The following TEAD4 variants were observed in gnomAD, a reference collection of about 807,000 sequenced individuals.
TEAD4 encodes TEA domain transcription factor 4, also known as transcriptional enhancer factor TEF-3.
A neutral mutation model predicts 52.4 loss-of-function variants in TEAD4; 36 were observed. The ratio of observed to expected loss-of-function variants is 0.69; its 90% CI spans 0.53 to 0.91. TEAD4 has a LOEUF of 0.91. Ranked by LOEUF, TEAD4 falls within the 40% of genes least tolerant of loss-of-function variation. TEAD4 has a pLI of 0.00. For missense variants in TEAD4, 508 were observed against 583.9 expected, an observed-to-expected ratio of 0.87 and a Z score of 1.34; for synonymous variants, 220 against 231.0, an observed-to-expected ratio of 0.95 and a Z score of 0.43.
At chr12:3,023,624 T>TAA (rs768450059) in intron 10 of TEAD4, among the ~76,000 whole-genome samples, 7 of 132,116 alleles carry the variant, frequency 5.3e-5, no homozygotes, top group Admixed American at 7.6e-5. Flanking sequence ...TATCTCTACT[T>TAA]AAAAAAAAAA....
At chr12:3,014,623 C>G (rs1423837104) in intron 5 of TEAD4, among the ~76,000 whole-genome samples, 1 of 152,228 alleles carries the variant, frequency 6.6e-6, no homozygotes, top group Non-Finnish European at 1.5e-5. Flanking sequence ...GGCAGAGTCA[C>G]TGGGACCTCC....
At chr12:2,978,110 C>T (rs938043640) in intron 2 of TEAD4, among the ~76,000 whole-genome samples, 1 of 152,180 alleles carries the variant, frequency 6.6e-6, no homozygotes, top group East Asian at 1.9e-4. Flanking sequence ...AGGCCCTTTC[C>T]TTTGCTCCTG....
chr12:3,040,360 C>T lies in TEAD4; in HGVS notation c.1192-5C>T, dbSNP rs745805155. The T allele has an allele frequency of 6.2e-6, 10 of 1,614,012 alleles. No homozygotes were observed. The Admixed American group carries it at 6.7e-5, about 11-fold the overall frequency. ...TATTAACCCTTGTCTTTTTCTCTCCCACAGGTGGTCACCAACAGAGACACA... is the reference window on the plus strand; with the variant it reads ...TATTAACCCTTGTCTTTTTCTCTCCTACAGGTGGTCACCAACAGAGACACA... On this transcript the variant is annotated splice_polypyrimidine_tract_variant and splice_region_variant and intron_variant, in intron 12 of 12. Transcript: ENST00000359864.
chr12:3,037,917 C>G (rs2098280377), intron 10 of TEAD4, 51 bp from the exon 11 acceptor site: 1 of 1,580,946 alleles, frequency 6.3e-7, no homozygotes, highest in Admixed American at 1.7e-5. Context: ...ATGCTCCCGT[C>G]TGACATGGCA....
At chr12:3,030,490 T>C (rs887646732) in intron 10 of TEAD4, among the ~76,000 whole-genome samples, 1 of 152,158 alleles carries the variant, frequency 6.6e-6, no homozygotes, top group Non-Finnish European at 1.5e-5. Flanking sequence ...CCTGAAGATA[T>C]TGGTAGGTTG....
chr12:2,982,449 G>A (rs1006696006), intron 2 of TEAD4, among the ~76,000 whole-genome samples: 5 of 152,174 alleles, frequency 3.3e-5, no homozygotes, highest in Non-Finnish European at 7.4e-5. Context: ...CCAGCTCCAC[G>A]ATGCCATCTG....
chr12:3,033,288 C>T (rs899354456), intron 10 of TEAD4, among the ~76,000 whole-genome samples: 1 of 152,214 alleles, frequency 6.6e-6, no homozygotes, highest in Non-Finnish European at 1.5e-5. Context: ...TGGCATCTGC[C>T]AGCCTGAAGG....
In TEAD4 at chr12:3,032,428, G is replaced by C. The variant is rs1230607275; in HGVS notation, c.898-5540G>C. ...TGGGACAGGAGCCGCTGGACAGGGG[G>C]CTGTGGTGTGCCCCCCAGCAAGGCC... On this transcript the variant is annotated intron_variant, in intron 10 of 12. Transcript: ENST00000359864. Among the ~76,000 whole-genome samples, 4 of 152,212 alleles carry C rather than the reference G, an allele frequency of 2.6e-5. No individual in the cohort carries two copies. In the East Asian group the frequency reaches 7.7e-4, roughly 29 times the overall value.
chr12:3,019,285 GCA>G (rs1322059201), intron 8 of TEAD4, 115 bp downstream of exon 8: 2 of 1,189,526 alleles, frequency 1.7e-6, no homozygotes, highest in Non-Finnish European at 2.4e-6. Context: ...GCCCCGTCAT[GCA>G]CACTGACCAC....
chr12:3,009,667 C>G (rs149613947), intron 3 of TEAD4, among the ~76,000 whole-genome samples: 69 of 152,288 alleles, frequency 4.5e-4, no homozygotes, highest in East Asian at 4.5e-3. Context: ...TTCACTGGAC[C>G]GCCAAAGCCT....
chr12:3,033,123 G>A (rs1345446228), intron 10 of TEAD4, among the ~76,000 whole-genome samples: 1 of 152,180 alleles, frequency 6.6e-6, no homozygotes, highest in Non-Finnish European at 1.5e-5. Flanking sequence ...TGTGTGTGCT[G>A]GAGAGGCAAT....
Position 3,019,053 on chromosome 12 carries a change from T to C in TEAD4, c.528-62T>C. On this transcript the variant is annotated intron_variant, in intron 7 of 12. Transcript: ENST00000359864. ...CTACCACACAGACCACTGGACCCAG[T>C]GCAGGGATCCGGGGCGGTGGCCTGC... is the stretch of plus-strand genomic sequence containing the variant. The C allele has an allele frequency of 5.0e-6, 8 of 1,592,598 alleles. No homozygotes were observed. In the South Asian group the frequency reaches 8.8e-5, roughly 18 times the overall value.
At chr12:3,034,519 G>A (rs1265495379) in intron 10 of TEAD4, among the ~76,000 whole-genome samples, 1 of 152,194 alleles carries the variant, frequency 6.6e-6, no homozygotes, top group Admixed American at 6.5e-5. Context: ...GCTCCTGGGG[G>A]CTGGGGGCAG....
At chr12:3,036,908 G>A (rs2098279747) in intron 10 of TEAD4, among the ~76,000 whole-genome samples, 1 of 152,168 alleles carries the variant, frequency 6.6e-6, no homozygotes, top group Non-Finnish European at 1.5e-5. Flanking sequence ...ATTGGGGTTG[G>A]AGGCTGAAGA....
chr12:3,006,628 G>A (rs2098256139), intron 3 of TEAD4, among the ~76,000 whole-genome samples: 2 of 151,922 alleles, frequency 1.3e-5, no homozygotes, highest in South Asian at 4.2e-4. Flanking sequence ...AGGTTGTGGT[G>A]AGCCAAGATC....
chr12:3,027,954 C>T (rs1289920046), intron 10 of TEAD4, among the ~76,000 whole-genome samples: 1 of 152,160 alleles, frequency 6.6e-6, no homozygotes, highest in African/African-American at 2.4e-5. Context: ...ACATTTTCAT[C>T]ATCCCGAAAA....
intron 2 of TEAD4, among the ~76,000 whole-genome samples, chr12:2,985,725 C>T (rs184310093): frequency 4.2e-4 from 64 of 152,002 alleles, no homozygotes; most frequent in African/African-American, 1.5e-3. Flanking sequence ...AGGGTGGCCT[C>T]GAGCTCCTGA....
At chr12:3,003,786 G>A (rs1332826054) in intron 3 of TEAD4, among the ~76,000 whole-genome samples, 2 of 152,146 alleles carry the variant, frequency 1.3e-5, no homozygotes, top group Admixed American at 6.5e-5. Flanking sequence ...CACCTGCCAC[G>A]TTGCAATGCG....
Position 2,994,761 on chromosome 12 carries a change from G to T in TEAD4, c.-6G>T. 1 of 1,601,862 alleles carries T rather than the reference G, an allele frequency of 6.2e-7. No individual in the cohort carries two copies. The highest frequency in any genetic ancestry group is 8.5e-7 in the Non-Finnish European group (1 of 1,173,624). Reference sequence around the variant, plus strand: ...AGGTCCAACGAGCGCTCCTCCAAGCGGAGCCTTGGAGGGCACGGCCGGCAC... The same window carrying T: ...AGGTCCAACGAGCGCTCCTCCAAGCTGAGCCTTGGAGGGCACGGCCGGCAC... On this transcript the variant is annotated 5_prime_UTR_variant, in exon 3 of 13. Transcript: ENST00000359864. This position sits in a 1 kb window ranked among gnomAD's most constrained non-coding sequence, Gnocchi z 4.7.
Sources: allele counts gnomAD v4.1 joint callset (sites outside exome capture counted in the v4.1 genomes callset), GRCh38; gene constraint gnomAD v4.1.1; non-coding constraint Gnocchi (gnomAD v3.1); transcripts MANE v1.5; gene names NCBI Gene and HGNC (gene_info 2026-07-23, HGNC 2026-07-21).